The following TMCO4 variants were observed in gnomAD, a reference collection of about 807,000 sequenced individuals.
The protein encoded by TMCO4 is transmembrane and coiled-coil domains 4, also known as transmembrane and coiled-coil domain-containing protein 4.
Under a neutral mutation model 64.7 loss-of-function variants are expected in TMCO4, and 58 were observed. The ratio of observed to expected loss-of-function variants is 0.90; its 90% confidence interval spans 0.73 to 1.12. TMCO4 has a LOEUF of 1.12. TMCO4 is among the 50% of genes most tolerant of loss of function. TMCO4 has a pLI of 0.00. For synonymous variants in TMCO4, 325 were observed against 346.1 expected (o/e 0.94, Z 0.68); for missense variants, 780 against 825.9 (o/e 0.94, Z 0.68).
intron 2 of TMCO4, among the ~76,000 whole-genome samples, chr1:19,794,601 C>A (rs550436988): frequency 6.6e-6 from 1 of 152,202 alleles, no homozygotes; most frequent in Non-Finnish European, 1.5e-5. Context: ...CTCAATACCC[C>A]ACCTTCAAAT....
Position 19,704,662 on chromosome 1 carries a change from A to T in TMCO4, c.1265-3777T>A, listed in dbSNP as rs773285159. ...TCTGCCTGGCAGAGTCTGCCCTGCT[A>T]AGAGCTGGGACTGCTTTTCGAGCCT... On this transcript the variant is annotated intron_variant, in intron 13 of 15. Coordinates refer to ENST00000294543, the MANE Select transcript of TMCO4 (RefSeq NM_181719.7). 5.3e-5 allele frequency among the ~76,000 whole-genome samples: 8 copies of T among 152,300 alleles called. No homozygotes were observed. The East Asian group carries it at 5.8e-4, about 11-fold the overall frequency.
intron 10 of TMCO4, among the ~76,000 whole-genome samples, chr1:19,744,441 G>A (rs141153795): frequency 2.0e-4 from 30 of 152,296 alleles, no homozygotes; most frequent in South Asian, 4.1e-4. Flanking sequence ...CTTTACAAAT[G>A]AAGTAGCTGA....
At chr1:19,792,690 T>C (rs1370647039) in intron 2 of TMCO4, among the ~76,000 whole-genome samples, 3 of 152,148 alleles carry the variant, frequency 2.0e-5, no homozygotes, top group Admixed American at 6.5e-5. Context: ...GAATGAACTT[T>C]TGTTTTTTCT....
intron 6 of TMCO4, among the ~76,000 whole-genome samples, chr1:19,769,727 G>T (rs1266437): frequency 0.11 from 16,210 of 152,034 alleles, 1,084 homozygotes; most frequent in East Asian, 0.27. Flanking sequence ...GAAGTTGGAC[G>T]GGAGCTGTGG....
At chr1:19,733,989 G>T (rs1276312337) in intron 13 of TMCO4, among the ~76,000 whole-genome samples, 1 of 152,204 alleles carries the variant, frequency 6.6e-6, no homozygotes. Context: ...CATATGATGA[G>T]CTTAGAATTG....
intron 10 of TMCO4, among the ~76,000 whole-genome samples, chr1:19,741,192 C>T (rs1010953071): frequency 6.6e-6 from 1 of 152,190 alleles, no homozygotes; most frequent in Non-Finnish European, 1.5e-5. Context: ...CATCACTATC[C>T]CACCTTGTGC....
At chr1:19,750,856 G>T (rs2041996068) in intron 7 of TMCO4, among the ~76,000 whole-genome samples, 1 of 152,212 alleles carries the variant, frequency 6.6e-6, no homozygotes, top group South Asian at 2.1e-4. Context: ...AAACCCCAAG[G>T]TTGCTGAGAT....
chr1:19,756,992 A>G (rs2042284192), intron 6 of TMCO4, among the ~76,000 whole-genome samples: 1 of 152,136 alleles, frequency 6.6e-6, no homozygotes, highest in Non-Finnish European at 1.5e-5. Context: ...ACAAAAAACA[A>G]ATACCACACA....
chr1:19,695,978 G>A (rs1458822134), intron 14 of TMCO4, among the ~76,000 whole-genome samples: 1 of 151,934 alleles, frequency 6.6e-6, no homozygotes, highest in African/African-American at 2.4e-5. Context: ...CCTGCCCCTT[G>A]TGGTCAAGCC....
At chr1:19,730,753 G>A (rs1196699846) in intron 13 of TMCO4, among the ~76,000 whole-genome samples, 2 of 152,206 alleles carry the variant, frequency 1.3e-5, no homozygotes, top group Non-Finnish European at 2.9e-5. Flanking sequence ...CTGGGGAAGG[G>A]GAAGGAATGA....
intron 3 of TMCO4, among the ~76,000 whole-genome samples, chr1:19,784,845 TAAA>T (rs34693780): frequency 8.2e-5 from 8 of 97,848 alleles, no homozygotes; most frequent in Middle Eastern, 6.6e-3. Context: ...GCTGATGCAC[TAAA>T]AAAAAAAAAA....
chr1:19,796,440 C>G (rs2044311576), intron 2 of TMCO4, among the ~76,000 whole-genome samples: 1 of 152,100 alleles, frequency 6.6e-6, no homozygotes, highest in South Asian at 2.1e-4. Context: ...TCTCCCTGAC[C>G]AGGAGGGTCA....
intron 6 of TMCO4, among the ~76,000 whole-genome samples, chr1:19,758,164 G>T (rs1028458544): frequency 4.6e-5 from 7 of 152,156 alleles, no homozygotes; most frequent in African/African-American, 1.7e-4. Flanking sequence ...TGAGGTTTCG[G>T]CTTCTGCAAA....
At chr1:19,704,506 T>C (rs1181802381) in intron 13 of TMCO4, among the ~76,000 whole-genome samples, 3 of 152,224 alleles carry the variant, frequency 2.0e-5, no homozygotes, top group African/African-American at 7.2e-5. Flanking sequence ...CTCTCTGCTG[T>C]CTGCAATAAC....
intron 10 of TMCO4, among the ~76,000 whole-genome samples, chr1:19,745,243 G>C: frequency 6.9e-6 from 1 of 144,862 alleles, no homozygotes; most frequent in Non-Finnish European, 1.5e-5. Flanking sequence ...TGGGTGGGTA[G>C]ATGGATGAAC....
At chr1:19,737,558 T>G in intron 12 of TMCO4, 102 bp from the exon 13 acceptor site, 1 of 997,322 alleles carries the variant, frequency 1.0e-6, no homozygotes, top group East Asian at 2.5e-5. Context: ...TACCACCTGA[T>G]TCTCATCTAA....
At chr1:19,756,301 A>G (rs1197332610) in intron 6 of TMCO4, among the ~76,000 whole-genome samples, 2 of 152,184 alleles carry the variant, frequency 1.3e-5, no homozygotes, top group Non-Finnish European at 2.9e-5. Context: ...CGCAAAGATC[A>G]GTTTTTAAAA....
At chr1:19,699,500 T>C (rs2095257755) in intron 14 of TMCO4, among the ~76,000 whole-genome samples, 1 of 148,082 alleles carries the variant, frequency 6.8e-6, no homozygotes, top group African/African-American at 2.5e-5. Context: ...TATATATATA[T>C]ATATATATAT....
At position 19,688,352 on chromosome 1, in the gene TMCO4, C is replaced by T. The variant is rs542747109; in HGVS notation, c.1501-4908G>A. 3.6e-3 allele frequency among the ~76,000 whole-genome samples: 541 copies of T among 152,246 alleles called. 8 individuals carry two copies. The highest frequency in any genetic ancestry group is 0.013 in the African/African-American group (522 of 41,540). ...AGATCCCTGCAGGTACAAATGGGGCCCAGCCCTTCCTGTTTCCTGCCTCAA... is the reference window on the plus strand; with the variant it reads ...AGATCCCTGCAGGTACAAATGGGGCTCAGCCCTTCCTGTTTCCTGCCTCAA... On this transcript the variant is annotated intron_variant, in intron 15 of 15. Transcript: ENST00000294543.
Sources: allele counts gnomAD v4.1 joint callset (sites outside exome capture counted in the v4.1 genomes callset), GRCh38; gene constraint gnomAD v4.1.1; transcripts MANE v1.5; gene names NCBI Gene and HGNC (gene_info 2026-07-23, HGNC 2026-07-21).